The following CUX1 variants were observed in gnomAD, a reference collection of about 807,000 sequenced individuals.
CUX1 encodes cut like homeobox 1.
In CUX1, 31 loss-of-function variants were observed where a neutral mutation model predicts 158.8. The observed-to-expected ratio is 0.20, with a 90% CI of 0.15 to 0.26. CUX1 has a LOEUF of 0.26. CUX1 is among the 10% of genes least tolerant of loss of function. The pLI, the probability that CUX1 is intolerant of heterozygous loss-of-function variation, is 1.00. For missense variants in CUX1, 1,589 were observed against 2,014.6 expected (o/e 0.79, Z 4.04); for synonymous variants, 879 against 862.1 (o/e 1.02, Z -0.34).
chr7:102,231,783 G>C (rs1288532459), intron 21 of CUX1, among the ~76,000 whole-genome samples: 1 of 147,808 alleles, frequency 6.8e-6, no homozygotes, highest in South Asian at 2.1e-4. Flanking sequence ...GCACGATCTC[G>C]GCTCACTGCA....
chr7:101,856,182 C>CA (rs768518044), intron 1 of CUX1, among the ~76,000 whole-genome samples: 5,912 of 42,266 alleles, frequency 0.14, 279 homozygotes, highest in African/African-American at 0.17. Context: ...GACCCTGTCT[C>CA]AAAAAAAAAA....
At chr7:101,999,216 C>CTTT (rs1816370426) in intron 2 of CUX1, among the ~76,000 whole-genome samples, 2 of 71,332 alleles carry the variant, frequency 2.8e-5, no homozygotes, top group South Asian at 1.2e-3. Context: ...CTTTTTTTTA[C>CTTT]CTTTTTTTTT....
At chr7:101,857,515 G>A (rs1241112352) in intron 1 of CUX1, among the ~76,000 whole-genome samples, 2 of 152,220 alleles carry the variant, frequency 1.3e-5, no homozygotes, top group African/African-American at 4.8e-5. Flanking sequence ...AGCAGCGCAC[G>A]CTTTGAGTCA....
At chr7:102,143,721 A>G (rs1834716995) in intron 8 of CUX1, among the ~76,000 whole-genome samples, 1 of 152,182 alleles carries the variant, frequency 6.6e-6, no homozygotes, top group African/African-American at 2.4e-5. Context: ...TGTCTTGACT[A>G]AAGTTAGCAG....
chr7:101,957,723 CT>C (rs1809943403), intron 2 of CUX1, among the ~76,000 whole-genome samples: 1 of 152,046 alleles, frequency 6.6e-6, no homozygotes, highest in Non-Finnish European at 1.5e-5. Context: ...GAGATTCCAT[CT>C]CTTAAAAAAT....
chr7:102,096,411 T>C (rs1461457614), intron 4 of CUX1, among the ~76,000 whole-genome samples: 4 of 152,248 alleles, frequency 2.6e-5, no homozygotes, highest in Admixed American at 1.3e-4. Context: ...CTTTACCTTG[T>C]TGTAAAGAAT....
chr7:102,223,611 A>C (rs1157201013), intron 20 of CUX1, among the ~76,000 whole-genome samples: 1 of 152,180 alleles, frequency 6.6e-6, no homozygotes, highest in African/African-American at 2.4e-5. Flanking sequence ...CCTGTGATTA[A>C]AACGATACTT....
At chr7:102,116,003 C>T (rs888691930) in intron 8 of CUX1, among the ~76,000 whole-genome samples, 4 of 152,290 alleles carry the variant, frequency 2.6e-5, no homozygotes, top group South Asian at 4.1e-4. Context: ...CCATCTTCCG[C>T]GGAAACACAC....
chr7:101,929,842 A>AT (rs988489566), intron 2 of CUX1, among the ~76,000 whole-genome samples: 2 of 151,712 alleles, frequency 1.3e-5, no homozygotes, highest in East Asian at 1.9e-4. Flanking sequence ...CCAGAAGCCA[A>AT]TTTTTTTTCT....
At chr7:102,169,217 G>A (rs1028242674) in intron 9 of CUX1, among the ~76,000 whole-genome samples, 2 of 152,094 alleles carry the variant, frequency 1.3e-5, no homozygotes, top group Non-Finnish European at 2.9e-5. Context: ...ATAGGCGTGA[G>A]CCACCGTACC....
chr7:101,896,579 C>T (rs1801542694), intron 1 of CUX1, among the ~76,000 whole-genome samples: 1 of 152,214 alleles, frequency 6.6e-6, no homozygotes, highest in African/African-American at 2.4e-5. Flanking sequence ...AATGCTCAGA[C>T]TTTCCCATGA....
intron 21 of CUX1, among the ~76,000 whole-genome samples, chr7:102,229,226 G>A (rs536174207): frequency 6.6e-6 from 1 of 151,964 alleles, no homozygotes; most frequent in Non-Finnish European, 1.5e-5. Flanking sequence ...CTGGGTGCTC[G>A]GCCTGGGTTG....
intron 4 of CUX1, among the ~76,000 whole-genome samples, chr7:102,088,695 C>T (rs1454560506): frequency 2.0e-5 from 3 of 152,140 alleles, no homozygotes; most frequent in Non-Finnish European, 4.4e-5. Context: ...CTGGTTTTTT[C>T]TCTCTCTGGA....
At chr7:101,841,972 G>A (rs1323501682) in intron 1 of CUX1, among the ~76,000 whole-genome samples, 1 of 151,868 alleles carries the variant, frequency 6.6e-6, no homozygotes, top group Admixed American at 6.5e-5. Flanking sequence ...ATTTTGACAT[G>A]TAGTGCTTTC....
chr7:102,027,537 G>T (rs1187083137), intron 2 of CUX1, among the ~76,000 whole-genome samples: 1 of 152,014 alleles, frequency 6.6e-6, no homozygotes, highest in Non-Finnish European at 1.5e-5. Context: ...TCAAAATGAG[G>T]TATATGTGAC....
chr7:102,075,715 C>G (rs1371874927), intron 4 of CUX1, among the ~76,000 whole-genome samples: 1 of 152,186 alleles, frequency 6.6e-6, no homozygotes, highest in Non-Finnish European at 1.5e-5. Context: ...TAAGACAAGT[C>G]AATTGCAGGA....
chr7:101,924,690 C>T (rs1037934255), intron 2 of CUX1, among the ~76,000 whole-genome samples: 9 of 151,896 alleles, frequency 5.9e-5, no homozygotes, highest in Non-Finnish European at 1.2e-4. Context: ...CTCAGCCTCC[C>T]GAGTAGCTGG....
At chr7:101,967,532 A>G (rs939498284) in intron 2 of CUX1, among the ~76,000 whole-genome samples, 61 of 152,346 alleles carry the variant, frequency 4.0e-4, no homozygotes, top group African/African-American at 1.4e-3. Context: ...TCTTTCGCAA[A>G]TAATGGCCTG....
chr7:101,823,077 A>G (rs1318261260), intron 1 of CUX1, among the ~76,000 whole-genome samples: 1 of 152,102 alleles, frequency 6.6e-6, no homozygotes, highest in Non-Finnish European at 1.5e-5. Flanking sequence ...TTTTAATCCA[A>G]CGGCATTTCC....
Sources: allele counts gnomAD v4.1 joint callset (sites outside exome capture counted in the v4.1 genomes callset), GRCh38; gene constraint gnomAD v4.1.1; transcripts MANE v1.5; gene names NCBI Gene and HGNC (gene_info 2026-07-23, HGNC 2026-07-21).